Variants in CLVS1 observed in about 807,000 individuals in gnomAD.
CLVS1 encodes clavesin-1.
CLVS1 carries 10 observed loss-of-function variants against 33.1 expected under a neutral mutation model. The ratio of observed to expected loss-of-function variants is 0.30; its 90% confidence interval spans 0.19 to 0.51. CLVS1 has a LOEUF of 0.51. CLVS1 is among the 20% of genes least tolerant of loss of function. CLVS1 has a pLI of 0.97. For missense variants in CLVS1, 343 were observed against 433.4 expected (o/e 0.79, Z 1.85); for synonymous variants, 163 against 166.1 (o/e 0.98, Z 0.14).
At chr8:61,420,524 C>T (rs1336280578) in intron 3 of CLVS1, among the ~76,000 whole-genome samples, 1 of 152,094 alleles carries the variant, frequency 6.6e-6, no homozygotes, top group Non-Finnish European at 1.5e-5. Flanking sequence ...ATCGCTTGAA[C>T]CCGGGAGGCG....
chr8:61,257,862 G>C (rs773817952), intron 2 of CLVS1, among the ~76,000 whole-genome samples: 11 of 152,112 alleles, frequency 7.2e-5, no homozygotes, highest in Non-Finnish European at 1.3e-4. Flanking sequence ...TTTTATTTAT[G>C]TGTCTTGTTT....
At chr8:61,125,077 A>G (rs897751814) in intron 1 of CLVS1, among the ~76,000 whole-genome samples, 3 of 152,090 alleles carry the variant, frequency 2.0e-5, no homozygotes, top group Non-Finnish European at 2.9e-5. Context: ...CCTCTTTGGT[A>G]GTTACTCTTA....
intron 2 of CLVS1, among the ~76,000 whole-genome samples, chr8:61,260,470 C>T (rs144309064): frequency 6.6e-6 from 1 of 152,344 alleles, no homozygotes; most frequent in African/African-American, 2.4e-5. Flanking sequence ...CCCTCTTCTT[C>T]ATACACAGCC....
intron 2 of CLVS1, among the ~76,000 whole-genome samples, chr8:61,197,231 C>T (rs1256314465): frequency 1.3e-5 from 2 of 152,144 alleles, no homozygotes; most frequent in Non-Finnish European, 2.9e-5. Context: ...TAGTTCCACT[C>T]TTCTGCATAT....
chr8:61,338,639 G>T (rs1433790898), intron 2 of CLVS1, among the ~76,000 whole-genome samples: 1 of 152,180 alleles, frequency 6.6e-6, no homozygotes, highest in Non-Finnish European at 1.5e-5. Context: ...CAAAAATCAT[G>T]CTCCTCCATA....
intron 2 of CLVS1, among the ~76,000 whole-genome samples, chr8:61,351,112 C>T (rs1474318062): frequency 1.3e-5 from 2 of 151,960 alleles, no homozygotes; most frequent in Admixed American, 6.6e-5. Context: ...AAAGATCCCA[C>T]ATAGTAGGAG....
chr8:61,321,013 A>G (rs1342737850), intron 2 of CLVS1, among the ~76,000 whole-genome samples: 1 of 152,180 alleles, frequency 6.6e-6, no homozygotes, highest in Non-Finnish European at 1.5e-5. Context: ...ATTGTAATCA[A>G]TTTTATAACC....
At chr8:61,066,844 G>C (rs544886623) in intron 1 of CLVS1, among the ~76,000 whole-genome samples, 24 of 152,364 alleles carry the variant, frequency 1.6e-4, no homozygotes, top group African/African-American at 5.5e-4. Flanking sequence ...TAGCCAGAAA[G>C]TTGGGAGTGT....
chr8:61,236,686 A>G (rs1209092252), intron 2 of CLVS1, among the ~76,000 whole-genome samples: 1 of 152,142 alleles, frequency 6.6e-6, no homozygotes, highest in African/African-American at 2.4e-5. Context: ...CAGGGCCTAG[A>G]TTCAGCTGGG....
intron 3 of CLVS1, 154 bp downstream of exon 3, chr8:61,376,933 T>G: frequency 1.7e-6 from 1 of 581,510 alleles, no homozygotes; most frequent in East Asian, 3.0e-5. Flanking sequence ...CAGCCAGAGT[T>G]TTAGATGCTT....
At chr8:61,411,499 T>C (rs568565045) in intron 3 of CLVS1, among the ~76,000 whole-genome samples, 1 of 152,022 alleles carries the variant, frequency 6.6e-6, no homozygotes, top group African/African-American at 2.4e-5. Context: ...GGGGATAAGA[T>C]AGAGAAATAA....
intron 5 of CLVS1, among the ~76,000 whole-genome samples, chr8:61,474,334 C>T (rs1341637437): frequency 6.6e-6 from 1 of 152,144 alleles, no homozygotes; most frequent in African/African-American, 2.4e-5. Context: ...CATAGGAAGC[C>T]TTCACAAGAG....
the CLVS1 span, among the ~76,000 whole-genome samples, chr8:60,974,663 T>C: frequency 6.6e-6 from 1 of 151,840 alleles, no homozygotes; most frequent in Admixed American, 6.6e-5. Flanking sequence ...TTTAGTCAAC[T>C]GGTTTATTAA....
At chr8:61,414,030 A>C (rs562505762) in intron 3 of CLVS1, among the ~76,000 whole-genome samples, 72 of 152,358 alleles carry the variant, frequency 4.7e-4, no homozygotes, top group Non-Finnish European at 7.8e-4. Flanking sequence ...GGACCTAGAC[A>C]ATCAACAGAT....
At chr8:61,115,623 T>G (rs1805706744) in intron 1 of CLVS1, among the ~76,000 whole-genome samples, 2 of 150,642 alleles carry the variant, frequency 1.3e-5, no homozygotes, top group African/African-American at 2.4e-5. Context: ...GAATATGCGG[T>G]GTTTGGTTTT....
At chr8:61,281,726 A>C (rs1809674906) in intron 2 of CLVS1, among the ~76,000 whole-genome samples, 1 of 152,112 alleles carries the variant, frequency 6.6e-6, no homozygotes, top group Non-Finnish European at 1.5e-5. Context: ...TCATCCCACT[A>C]AATATCCAAG....
chr8:61,033,039 A>AAGAT, the CLVS1 span, among the ~76,000 whole-genome samples: 7 of 112,614 alleles, frequency 6.2e-5, 1 homozygote, highest in African/African-American at 1.9e-4. Flanking sequence ...GAAAGAAAGA[A>AAGAT]AGAAAGAAAA....
At chr8:61,376,515 C>T in intron 2 of CLVS1, 90 bp from the exon 3 acceptor site, 1 of 1,234,888 alleles carries the variant, frequency 8.1e-7, no homozygotes. Context: ...GTTCATGGAG[C>T]AGTGGCATGC....
chr8:61,269,247 T>A (rs1809380530), intron 2 of CLVS1, among the ~76,000 whole-genome samples: 1 of 152,188 alleles, frequency 6.6e-6, no homozygotes, highest in East Asian at 1.9e-4. Context: ...GCTAGCCAGT[T>A]TTCCCACCAC....
Sources: allele counts gnomAD v4.1 joint callset (sites outside exome capture counted in the v4.1 genomes callset), GRCh38; gene constraint gnomAD v4.1.1; transcripts MANE v1.5; gene names NCBI Gene and HGNC (gene_info 2026-07-23, HGNC 2026-07-21).